CAMK1D: variants seen among roughly 807,000 people sequenced by gnomAD.
The protein encoded by CAMK1D is calcium/calmodulin dependent protein kinase ID.
In CAMK1D, 9 loss-of-function variants were observed where a neutral mutation model predicts 47.7. That is an observed-to-expected ratio of 0.19 (90% CI 0.11 to 0.33). CAMK1D has a LOEUF of 0.33. Among genes scored for constraint, CAMK1D ranks in the 10% least tolerant of loss-of-function variants. The probability of loss-of-function intolerance (pLI) is 1.00; values close to 1 mark genes in which losing one functional copy is unlikely to be tolerated. For missense variants in CAMK1D, 291 were observed against 488.7 expected (o/e 0.60, Z 3.81); for synonymous variants, 184 against 184.9 (o/e 0.99, Z 0.04).
chr10:12,684,584 C>G (rs1001907390), intron 3 of CAMK1D, among the ~76,000 whole-genome samples: 4 of 152,114 alleles, frequency 2.6e-5, no homozygotes, highest in Non-Finnish European at 5.9e-5. Flanking sequence ...ACTGTTTTAA[C>G]ATAATTTTTA....
intron 3 of CAMK1D, among the ~76,000 whole-genome samples, chr10:12,746,790 A>G (rs568772266): frequency 1.3e-5 from 2 of 152,302 alleles, no homozygotes; most frequent in Admixed American, 1.3e-4. Context: ...AGCTGGGGGC[A>G]TCGCTTTCCT....
At chr10:12,631,937 G>C (rs72771756) in intron 2 of CAMK1D, among the ~76,000 whole-genome samples, 8,843 of 152,220 alleles carry the variant, frequency 0.058, 322 homozygotes, top group South Asian at 0.081. Flanking sequence ...TCCCAGCCCT[G>C]GCACACAGGA....
At chr10:12,825,539 T>C in intron 9 of CAMK1D, 34 bp from the exon 10 acceptor site, 5 of 1,598,782 alleles carry the variant, frequency 3.1e-6, no homozygotes, top group Non-Finnish European at 4.3e-6. Flanking sequence ...TTAGCTGAAA[T>C]ATTTGTCTGC....
chr10:12,797,112 T>G (rs1020811292), intron 6 of CAMK1D, among the ~76,000 whole-genome samples: 2 of 152,012 alleles, frequency 1.3e-5, no homozygotes, highest in African/African-American at 4.8e-5. Flanking sequence ...AAGCCTGTGC[T>G]GGTCTCCAGG....
intron 1 of CAMK1D, among the ~76,000 whole-genome samples, chr10:12,548,557 C>A (rs141856599): frequency 6.6e-6 from 1 of 150,706 alleles, no homozygotes; most frequent in East Asian, 2.0e-4. Flanking sequence ...CTTGACCTCC[C>A]GGGCCCAAGT....
chr10:12,628,081 A>G (rs1313572318), intron 2 of CAMK1D, among the ~76,000 whole-genome samples: 4 of 132,092 alleles, frequency 3.0e-5, no homozygotes, highest in Admixed American at 7.8e-5. Flanking sequence ...ACTCTGTCTC[A>G]AAAAAAAACA....
At chr10:12,812,643 C>T (rs1832652638) in intron 6 of CAMK1D, among the ~76,000 whole-genome samples, 1 of 152,064 alleles carries the variant, frequency 6.6e-6, no homozygotes, top group South Asian at 2.1e-4. Flanking sequence ...AAAGAACTGC[C>T]ACCGTGGCTG....
Position 12,559,307 on chromosome 10 carries a change from CAA to C in CAMK1D, c.224+5955_224+5956del, listed in dbSNP as rs1251701472. Among the ~76,000 whole-genome samples the C allele has an allele frequency of 5.3e-5, 8 of 152,106 alleles. No individual in the cohort carries two copies. In the East Asian group the frequency reaches 1.5e-3, roughly 29 times the overall value. On this transcript the variant is annotated intron_variant, in intron 2 of 10. Coordinates refer to ENST00000619168, the MANE Select transcript of CAMK1D (RefSeq NM_153498.4). ...TAAAAAAATAAATAAAAGGAAAAAA[CAA>C]AAATATTATGCTGATGCGCAGGCCC...
chr10:12,690,539 C>G (rs1370160329), intron 3 of CAMK1D, among the ~76,000 whole-genome samples: 1 of 152,146 alleles, frequency 6.6e-6, no homozygotes, highest in Non-Finnish European at 1.5e-5. Flanking sequence ...ATATGTAACA[C>G]ACATCTCATG....
chr10:12,427,673 T>A (rs1277680577), intron 1 of CAMK1D, among the ~76,000 whole-genome samples: 1 of 147,812 alleles, frequency 6.8e-6, no homozygotes, highest in Non-Finnish European at 1.5e-5. Flanking sequence ...GGGCTGGAGA[T>A]ACTTTCCTGG....
At chr10:12,373,090 C>A (rs935891176) in intron 1 of CAMK1D, among the ~76,000 whole-genome samples, 1 of 152,186 alleles carries the variant, frequency 6.6e-6, no homozygotes, top group African/African-American at 2.4e-5. Flanking sequence ...GGTGCTGTCC[C>A]AGCCGGGGCT....
intron 3 of CAMK1D, among the ~76,000 whole-genome samples, chr10:12,739,843 T>C (rs1209873573): frequency 6.6e-6 from 1 of 152,210 alleles, no homozygotes; most frequent in Non-Finnish European, 1.5e-5. Context: ...CGAATCATTT[T>C]TCCTTCCTGT....
intron 1 of CAMK1D, among the ~76,000 whole-genome samples, chr10:12,546,965 T>TA (rs1210640063): frequency 1.1e-4 from 16 of 151,358 alleles, no homozygotes; most frequent in African/African-American, 1.7e-4. Context: ...TAATAATAAT[T>TA]AAAAAAAATA....
In CAMK1D at chr10:12,376,093, G is replaced by T. The variant is rs1014575427; in HGVS notation, c.92+26183G>T. Among the ~76,000 whole-genome samples the T allele has an allele frequency of 2.8e-5, 4 of 141,820 alleles. No homozygotes were observed. In the East Asian group the frequency reaches 8.3e-4, roughly 29 times the overall value. 93.0% of individuals were successfully genotyped at this position (141,820 alleles called of 152,430 possible). ...CCGGAGGATCACTTGAACCTGGGAGGTAGAGGTTGCAGTCAGCTGACATCA... is the reference window on the plus strand; with the variant it reads ...CCGGAGGATCACTTGAACCTGGGAGTTAGAGGTTGCAGTCAGCTGACATCA... On this transcript the variant is annotated intron_variant, in intron 1 of 10. Coordinates refer to ENST00000619168, the MANE Select transcript of CAMK1D (RefSeq NM_153498.4).
At position 12,390,895 on chromosome 10, in the gene CAMK1D, C is replaced by T. The variant is rs981301999; in HGVS notation, c.92+40985C>T. The stretch of plus-strand genomic sequence containing the variant: ...CAGAATGAACTCAGGCTCAAGCGTG[C>T]GTGAATAAGAGGATGCTGTGCATAG... On this transcript the variant is annotated intron_variant, in intron 1 of 10. Transcript: ENST00000619168. Among the ~76,000 whole-genome samples, 5 of 151,696 alleles carry T rather than the reference C, an allele frequency of 3.3e-5. No individual in the cohort carries two copies. In the Admixed American group the frequency reaches 3.3e-4, roughly 10 times the overall value.
intron 1 of CAMK1D, among the ~76,000 whole-genome samples, chr10:12,492,694 T>A (rs1020811365): frequency 6.6e-6 from 1 of 152,148 alleles, no homozygotes; most frequent in Non-Finnish European, 1.5e-5. Flanking sequence ...AGTCATGGTA[T>A]CACATGGTGA....
At chr10:12,542,647 G>A (rs933787930) in intron 1 of CAMK1D, among the ~76,000 whole-genome samples, 3 of 152,194 alleles carry the variant, frequency 2.0e-5, no homozygotes, top group African/African-American at 7.2e-5. Flanking sequence ...AAATATGCAA[G>A]TCACAGCACA....
intron 2 of CAMK1D, among the ~76,000 whole-genome samples, chr10:12,580,057 C>T (rs1013842987): frequency 2.0e-5 from 3 of 152,146 alleles, no homozygotes; most frequent in African/African-American, 4.8e-5. Context: ...CAGCAGAAAA[C>T]CCATGATGCC....
intron 3 of CAMK1D, among the ~76,000 whole-genome samples, chr10:12,759,847 A>G (rs1158785239): frequency 6.6e-6 from 1 of 152,166 alleles, no homozygotes; most frequent in African/African-American, 2.4e-5. Flanking sequence ...TGCCTTTTGG[A>G]AAATGAATCT....
Sources: gnomAD v4.1 joint callset for allele counts (sites outside exome capture counted in the v4.1 genomes callset) on GRCh38, gnomAD v4.1.1 for gene constraint, MANE v1.5 for transcripts, NCBI Gene and HGNC (gene_info 2026-07-23, HGNC 2026-07-21) for gene names.